SMYD3: variants seen among roughly 807,000 people sequenced by gnomAD.
SMYD3 encodes the protein histone-lysine N-methyltransferase SMYD3.
A neutral mutation model predicts 57.7 loss-of-function variants in SMYD3; 36 were observed. The ratio of observed to expected loss-of-function variants is 0.62; its 90% CI spans 0.48 to 0.82. The LOEUF (loss-of-function observed/expected upper bound fraction) is 0.82. Ranked by LOEUF, SMYD3 falls within the 40% of genes least tolerant of loss-of-function variation. The probability of loss-of-function intolerance (pLI) is 0.00; values close to 1 mark genes in which losing one functional copy is unlikely to be tolerated. For synonymous variants in SMYD3, 211 were observed against 195.0 expected (o/e 1.08, Z -0.68); for missense variants, 515 against 538.8 (o/e 0.96, Z 0.44).
In SMYD3 at chr1:246,479,813, C is replaced by A. The variant is rs113314268; in HGVS notation, c.164+27241G>T. On this transcript the variant is annotated intron_variant, in intron 1 of 11. Coordinates refer to ENST00000490107, the MANE Select transcript of SMYD3 (RefSeq NM_001167740.2). ...TTGAGTCACGGCACCCAGCCCAGAGCAGGGATTTTTGTCTGTTGTGGTTCT... is the reference window on the plus strand; with the variant it reads ...TTGAGTCACGGCACCCAGCCCAGAGAAGGGATTTTTGTCTGTTGTGGTTCT... Among the ~76,000 whole-genome samples the A allele has an allele frequency of 6.2e-3, 944 of 152,212 alleles. 7 individuals are homozygous for A. The highest frequency in any genetic ancestry group is 0.022 in the African/African-American group (897 of 41,528).
chr1:245,916,623 A>C (rs1256305842), intron 7 of SMYD3, among the ~76,000 whole-genome samples: 1 of 152,112 alleles, frequency 6.6e-6, no homozygotes, highest in East Asian at 1.9e-4. Context: ...TCCACCTTAA[A>C]AACTACCCAG....
intron 5 of SMYD3, among the ~76,000 whole-genome samples, chr1:246,236,932 G>C (rs1346028017): frequency 6.6e-6 from 1 of 152,114 alleles, no homozygotes; most frequent in African/African-American, 2.4e-5. Flanking sequence ...AAGAGGTCTC[G>C]GGCTCACTGT....
At chr1:246,342,761 C>T (rs150205531) in intron 2 of SMYD3, among the ~76,000 whole-genome samples, 5 of 152,024 alleles carry the variant, frequency 3.3e-5, no homozygotes, top group Non-Finnish European at 7.4e-5. Flanking sequence ...ATAAGGTTGA[C>T]AAGAGGAAAA....
At chr1:246,032,219 C>CT (rs1295790408) in intron 5 of SMYD3, among the ~76,000 whole-genome samples, 3 of 152,170 alleles carry the variant, frequency 2.0e-5, no homozygotes, top group African/African-American at 7.2e-5. Flanking sequence ...GGACATCTTC[C>CT]TGTCAAAATG....
At chr1:246,287,420 A>C (rs2148586331) in intron 5 of SMYD3, among the ~76,000 whole-genome samples, 1 of 152,326 alleles carries the variant, frequency 6.6e-6, no homozygotes, top group South Asian at 2.1e-4. Flanking sequence ...TTTTCTAAAA[A>C]TGTGTTTGGC....
At chr1:245,921,546 G>GTTATATATATATATATATATATAT (rs2055930181) in intron 7 of SMYD3, among the ~76,000 whole-genome samples, 2 of 24,634 alleles carry the variant, frequency 8.1e-5, no homozygotes, top group East Asian at 2.1e-3. Flanking sequence ...TAAAAAATGT[G>GTTATATATATATATATATATATAT]GTGTATATAT....
rs150691799 is a variant in SMYD3, at chr1:245,898,260, G to A, written c.813+17270C>T. On this transcript the variant is annotated intron_variant, in intron 8 of 11. Coordinates refer to ENST00000490107, the MANE Select transcript of SMYD3 (RefSeq NM_001167740.2). ...TATTTGTCACTTTTATTTCTCAAACGAAAATAAAATTTATTGCTGTTGTAT... is the reference window on the plus strand; with the variant it reads ...TATTTGTCACTTTTATTTCTCAAACAAAAATAAAATTTATTGCTGTTGTAT... 3.6e-3 allele frequency among the ~76,000 whole-genome samples: 552 copies of A among 152,150 alleles called. 7 individuals are homozygous for A. Among genetic ancestry groups the A allele is most frequent in the African/African-American group, 0.012 (515 of 41,486 alleles).
chr1:246,369,838 T>C (rs2066165117), intron 1 of SMYD3, among the ~76,000 whole-genome samples: 1 of 152,132 alleles, frequency 6.6e-6, no homozygotes, highest in Non-Finnish European at 1.5e-5. Flanking sequence ...GCACCCAGCC[T>C]GGGATTCCTT....
intron 5 of SMYD3, among the ~76,000 whole-genome samples, chr1:246,034,188 G>T (rs2059729490): frequency 6.6e-6 from 1 of 152,162 alleles, no homozygotes; most frequent in Admixed American, 6.5e-5. Flanking sequence ...TTTATTTGTG[G>T]ATCAAATGAA....
chr1:246,236,890 T>A, intron 5 of SMYD3, among the ~76,000 whole-genome samples: 1 of 152,118 alleles, frequency 6.6e-6, no homozygotes, highest in Non-Finnish European at 1.5e-5. Flanking sequence ...GCACAAAGAC[T>A]GGGAATACTA....
intron 10 of SMYD3, among the ~76,000 whole-genome samples, chr1:245,821,965 C>G (rs1329846105): frequency 1.6e-4 from 25 of 151,802 alleles, no homozygotes; most frequent in Non-Finnish European, 2.5e-4. Flanking sequence ...TAAACTAGTT[C>G]AACCATTGTG....
At chr1:246,157,989 A>C (rs2062049573) in intron 5 of SMYD3, among the ~76,000 whole-genome samples, 1 of 152,260 alleles carries the variant, frequency 6.6e-6, no homozygotes, top group Non-Finnish European at 1.5e-5. Flanking sequence ...GGTTATGCAC[A>C]GCAGATTGAA....
chr1:246,450,662 T>G (rs2067620071), intron 1 of SMYD3, among the ~76,000 whole-genome samples: 1 of 152,204 alleles, frequency 6.6e-6, no homozygotes, highest in Admixed American at 6.5e-5. Context: ...GGAATCATAT[T>G]CGACACTGAA....
chr1:245,978,968 T>C (rs2058524775), intron 5 of SMYD3, among the ~76,000 whole-genome samples: 1 of 152,204 alleles, frequency 6.6e-6, no homozygotes, highest in Non-Finnish European at 1.5e-5. Context: ...TGTCCATTCT[T>C]GGCAGGTATG....
intron 1 of SMYD3, among the ~76,000 whole-genome samples, chr1:246,409,575 G>A (rs2066927295): frequency 6.6e-6 from 1 of 152,172 alleles, no homozygotes; most frequent in African/African-American, 2.4e-5. Context: ...TTTGGTTACT[G>A]TAGCCTTGTA....
chr1:245,938,034 C>A (rs545548654), intron 5 of SMYD3, among the ~76,000 whole-genome samples: 11 of 152,238 alleles, frequency 7.2e-5, no homozygotes, highest in Non-Finnish European at 5.9e-5. Flanking sequence ...TAAGACTGCA[C>A]ACTAATCAAC....
chr1:245,755,466 T>C (rs2045566961), intron 11 of SMYD3, among the ~76,000 whole-genome samples: 1 of 152,242 alleles, frequency 6.6e-6, no homozygotes, highest in Admixed American at 6.5e-5. Flanking sequence ...TTCTACCAAC[T>C]GTTGACAGAG....
chr1:246,170,317 G>A (rs2062306884), intron 5 of SMYD3, among the ~76,000 whole-genome samples: 1 of 151,448 alleles, frequency 6.6e-6, no homozygotes. Context: ...ACTGCAGCAT[G>A]GTTAGTTTCC....
intron 5 of SMYD3, among the ~76,000 whole-genome samples, chr1:246,130,647 G>C (rs36017497): frequency 1.3e-5 from 2 of 152,028 alleles, no homozygotes; most frequent in Admixed American, 6.5e-5. Flanking sequence ...AGAAAATGCT[G>C]TTTGGATTAA....
Sources: gnomAD v4.1 joint callset for allele counts (sites outside exome capture counted in the v4.1 genomes callset) on GRCh38, gnomAD v4.1.1 for gene constraint, MANE v1.5 for transcripts, NCBI Gene and HGNC (gene_info 2026-07-23, HGNC 2026-07-21) for gene names.